The following PLS3 variants were observed in gnomAD, a reference collection of about 807,000 sequenced individuals.
PLS3 encodes the protein plastin 3, also known as plastin-3.
Under a neutral mutation model 46.5 loss-of-function variants are expected in PLS3, and 11 were observed. The observed-to-expected ratio is 0.24, with a 90% CI of 0.15 to 0.39. The LOEUF (loss-of-function observed/expected upper bound fraction) is 0.39. Ranked by LOEUF, PLS3 falls within the 10% of genes least tolerant of loss-of-function variation. The probability of loss-of-function intolerance (pLI) is 1.00; values close to 1 mark genes in which losing one functional copy is unlikely to be tolerated. For synonymous variants in PLS3, 167 were observed against 162.2 expected (o/e 1.03, Z -0.22); for missense variants, 308 against 461.8 (o/e 0.67, Z 3.05).
intron 1 of PLS3, among the ~76,000 whole-genome samples, chrX:115,606,325 A>T (rs2074494029): frequency 9.3e-6 from 1 of 107,996 alleles, no homozygotes; most frequent in Non-Finnish European, 1.9e-5. Context: ...TTTGGTAGAG[A>T]CAGGGTTTCA....
At chrX:115,577,829 C>T (rs1194790282) in intron 1 of PLS3, among the ~76,000 whole-genome samples, 1 of 110,963 alleles carries the variant, frequency 9.0e-6, no homozygotes, top group Non-Finnish European at 1.9e-5. Flanking sequence ...GTCAGTGTTT[C>T]CTCTCTGTAT....
chrX:115,631,654 G>A (rs1556639432), intron 5 of PLS3, among the ~76,000 whole-genome samples: 1 of 111,108 alleles, frequency 9.0e-6, no homozygotes, highest in African/African-American at 3.3e-5. Flanking sequence ...GATCACTTGA[G>A]CCCAGGAGTA....
rs374244547 is a variant in PLS3 at position 115,602,923 on chromosome X, C to T, written c.-8-7320C>T. The stretch of plus-strand genomic sequence containing the variant: ...TGGTTACCCCCAGATGAGTTTCCCA[C>T]GTGCATTCTCTTTCTCCTGGACCTC... On this transcript the variant is annotated intron_variant, in intron 1 of 15. Coordinates refer to ENST00000355899, the MANE Select transcript of PLS3 (RefSeq NM_005032.7). Among the ~76,000 whole-genome samples, 7 of 110,500 alleles carry T rather than the reference C, an allele frequency of 6.3e-5. No individual in the cohort carries two copies. In the East Asian group the frequency reaches 8.5e-4, roughly 13 times the overall value.
chrX:115,591,994 A>ACAAAATGTAACC, intron 1 of PLS3, among the ~76,000 whole-genome samples: 1 of 111,913 alleles, frequency 8.9e-6, no homozygotes, highest in African/African-American at 3.2e-5. Flanking sequence ...CATGAAGGAG[A>ACAAAATGTAACC]CAAAATGTAA....
At chrX:115,645,949 A>T in intron 11 of PLS3, 123 bp from the exon 12 acceptor site, 1 of 472,749 alleles carries the variant, frequency 2.1e-6, no homozygotes, top group East Asian at 3.7e-5. Flanking sequence ...GATAGAAAAT[A>T]TGAGTCTTGG....
chrX:115,578,040 T>C (rs1040043765), intron 1 of PLS3, among the ~76,000 whole-genome samples: 4 of 111,366 alleles, frequency 3.6e-5, no homozygotes, highest in Admixed American at 9.6e-5. Context: ...AATGATTTTA[T>C]ATATTATATG....
intron 3 of PLS3, among the ~76,000 whole-genome samples, chrX:115,623,757 C>A (rs1408303126): frequency 9.0e-6 from 1 of 111,442 alleles, no homozygotes; most frequent in Non-Finnish European, 1.9e-5. Flanking sequence ...TTCCCCAAGA[C>A]AACTGAAACG....
chrX:115,642,607 A>G (rs2074909800), intron 9 of PLS3, among the ~76,000 whole-genome samples: 1 of 111,474 alleles, frequency 9.0e-6, no homozygotes, highest in African/African-American at 3.3e-5. Flanking sequence ...TCTGTCATGA[A>G]GCTCATTGAC....
chrX:115,635,960 G>A (rs782008674), intron 7 of PLS3, among the ~76,000 whole-genome samples: 2 of 110,128 alleles, frequency 1.8e-5, no homozygotes, highest in East Asian at 5.9e-4. Context: ...GGCAGAGGTT[G>A]CAGTGAGCCG....
chrX:115,615,677 G>T (rs974308075), intron 2 of PLS3, among the ~76,000 whole-genome samples: 2 of 110,251 alleles, frequency 1.8e-5, no homozygotes, highest in African/African-American at 3.3e-5. Context: ...AAAAAAAAAC[G>T]CTTTGTCAAT....
At chrX:115,584,406 A>G (rs1455164394) in intron 1 of PLS3, among the ~76,000 whole-genome samples, 1 of 112,445 alleles carries the variant, frequency 8.9e-6, no homozygotes, top group Non-Finnish European at 1.9e-5. Context: ...AAATTATTTA[A>G]TGCTATCACT....
chrX:115,563,773 G>A (rs2074155007), intron 1 of PLS3, among the ~76,000 whole-genome samples: 1 of 111,858 alleles, frequency 8.9e-6, no homozygotes, highest in Non-Finnish European at 1.9e-5. Context: ...CTGACCCCAA[G>A]GCTAGCCTTG....
chrX:115,632,063 C>G (rs1382264699), intron 5 of PLS3, among the ~76,000 whole-genome samples: 2 of 111,041 alleles, frequency 1.8e-5, no homozygotes, highest in African/African-American at 6.5e-5. Context: ...CTCAGCCTAC[C>G]AAAGCGCTGG....
At position 115,573,524 on chromosome X, in the gene PLS3, A is replaced by G. The variant is rs1375525172; in HGVS notation, c.-9+12264A>G. Reference sequence around the variant, plus strand: ...GCAGTAGTTGATTCTGCAGCTGTGGAAATATTCATGTATGCAGAAGTCCCC... The same window carrying G: ...GCAGTAGTTGATTCTGCAGCTGTGGGAATATTCATGTATGCAGAAGTCCCC... On this transcript the variant is annotated intron_variant, in intron 1 of 15. Coordinates refer to ENST00000355899, the MANE Select transcript of PLS3 (RefSeq NM_005032.7). 3.6e-5 allele frequency among the ~76,000 whole-genome samples: 4 copies of G among 112,437 alleles called. No homozygotes were observed. The Admixed American group carries it at 3.8e-4, about 11-fold the overall frequency.
chrX:115,576,596 C>T (rs2074250521), intron 1 of PLS3, among the ~76,000 whole-genome samples: 1 of 111,038 alleles, frequency 9.0e-6, no homozygotes, highest in South Asian at 3.9e-4. Context: ...TTTTAAGCAC[C>T]CTTGACCCCA....
chrX:115,650,687 A>G lies in PLS3; in HGVS notation c.*1126A>G, dbSNP rs1356629611. 5.3e-5 allele frequency: 6 copies of G among 112,150 alleles called. No individual in the cohort carries two copies. The highest frequency in any genetic ancestry group is 1.9e-4 in the African/African-American group (6 of 30,864). 9.2% of individuals were successfully genotyped at this position (112,150 alleles called of 1,213,427 possible). A position where few individuals can be genotyped will look rare whatever the true frequency, so the allele number is the denominator to read the frequency against. On this transcript the variant is annotated 3_prime_UTR_variant, in exon 16 of 16. Coordinates refer to ENST00000355899, the MANE Select transcript of PLS3 (RefSeq NM_005032.7). ...TTACATAATAATTAGTCTGTTCTTC[A>G]TGCTTTTGTCTCTTAGGAAGTATGC...
At chrX:115,576,389 C>T (rs1351998405) in intron 1 of PLS3, among the ~76,000 whole-genome samples, 2 of 110,837 alleles carry the variant, frequency 1.8e-5, no homozygotes, top group African/African-American at 6.6e-5. Context: ...GGCAACATAG[C>T]GAGACCTCAT....
rs2147551714 is a variant in PLS3, at chrX:115,634,878, C to A, written c.583-3C>A. 8.3e-7 allele frequency: 1 copy of A among 1,201,464 alleles called. No homozygotes were observed. The highest frequency in any genetic ancestry group is 2.2e-5 in the Admixed American group (1 of 44,805). ...GCAAGTGTGTAATTTGGCTGTCTTGCAGGAAAACTTGAACTTGGCACTGAA... is the reference window on the plus strand; with the variant it reads ...GCAAGTGTGTAATTTGGCTGTCTTGAAGGAAAACTTGAACTTGGCACTGAA... On this transcript the variant is annotated splice_polypyrimidine_tract_variant and splice_region_variant and intron_variant, in intron 6 of 15. Coordinates refer to ENST00000355899, the MANE Select transcript of PLS3 (RefSeq NM_005032.7).
intron 2 of PLS3, among the ~76,000 whole-genome samples, chrX:115,613,630 T>C (rs1458946124): frequency 9.5e-6 from 1 of 105,107 alleles, no homozygotes; most frequent in African/African-American, 3.5e-5. Flanking sequence ...GAAAACCATG[T>C]TTCAAAGGTG....
Sources: gnomAD v4.1 joint callset for allele counts (sites outside exome capture counted in the v4.1 genomes callset) on GRCh38, gnomAD v4.1.1 for gene constraint, MANE v1.5 for transcripts, NCBI Gene and HGNC (gene_info 2026-07-23, HGNC 2026-07-21) for gene names.